Variants in TXNDC16 observed in about 807,000 individuals in gnomAD.
The protein encoded by TXNDC16 is thioredoxin domain-containing protein 16.
A neutral mutation model predicts 85.6 loss-of-function variants in TXNDC16; 74 were observed. The observed-to-expected ratio is 0.86, with a 90% confidence interval of 0.72 to 1.05. The LOEUF is 1.05. Among genes scored for constraint, TXNDC16 ranks in the 50% least tolerant of loss-of-function variants. The probability of loss-of-function intolerance (pLI) is 0.00; values close to 1 mark genes in which losing one functional copy is unlikely to be tolerated. For missense variants in TXNDC16, 959 were observed against 947.0 expected, an observed-to-expected ratio of 1.01 and a Z score of -0.17; for synonymous variants, 335 against 326.5, an observed-to-expected ratio of 1.03 and a Z score of -0.28.
intron 6 of TXNDC16, among the ~76,000 whole-genome samples, chr14:52,530,172 T>TATATATATTTATA (rs2037471310): frequency 1.2e-5 from 1 of 85,714 alleles, no homozygotes; most frequent in Non-Finnish European, 2.0e-5. Context: ...ATATATTATA[T>TATATATATTTATA]TATATATAAA....
intron 9 of TXNDC16, among the ~76,000 whole-genome samples, chr14:52,497,224 T>C (rs2036552911): frequency 6.6e-6 from 1 of 152,142 alleles, no homozygotes; most frequent in African/African-American, 2.4e-5. Context: ...CCAATAAATT[T>C]GATAACTTAG....
chr14:52,446,378 C>G (rs188304915), intron 18 of TXNDC16, among the ~76,000 whole-genome samples: 1 of 152,274 alleles, frequency 6.6e-6, no homozygotes, highest in Admixed American at 6.5e-5. Context: ...GTATTTAAAC[C>G]ATCTCTAGCC....
intron 9 of TXNDC16, among the ~76,000 whole-genome samples, chr14:52,506,294 T>C (rs1018384783): frequency 3.9e-5 from 6 of 152,040 alleles, no homozygotes; most frequent in African/African-American, 1.5e-4. Context: ...TAGACCAGTA[T>C]CCCTGATGAA....
rs573589058 is a variant in TXNDC16 at position 52,547,015 on chromosome 14, AAAG to A, written c.-181-2647_-181-2645del. ...GCTAATGAACTTATTTATAGCTCTA[AAAG>A]AAGAGGCTGGAAGATAGATTAGTAC... On this transcript the variant is annotated intron_variant, in intron 1 of 20. Transcript: ENST00000281741. 1.7e-4 allele frequency among the ~76,000 whole-genome samples: 26 copies of A among 152,362 alleles called. 1 individual carries two copies. The South Asian group carries it at 5.2e-3, about 30-fold the overall frequency.
intron 6 of TXNDC16, among the ~76,000 whole-genome samples, chr14:52,525,899 T>A (rs1004312743): frequency 6.6e-6 from 1 of 151,888 alleles, no homozygotes; most frequent in Non-Finnish European, 1.5e-5. Context: ...CCTACACACA[T>A]CTTCCTGTAT....
Position 52,549,629 on chromosome 14 carries a change from A to ATTTTT in TXNDC16, c.-182+2682_-182+2686dup, listed in dbSNP as rs748701260. Among the ~76,000 whole-genome samples the ATTTTT allele has an allele frequency of 5.3e-3, 704 of 132,964 alleles. 6 individuals carry two copies. Among genetic ancestry groups the ATTTTT allele is most frequent in the South Asian group, 0.012 (50 of 4,160 alleles). 87.2% of individuals were successfully genotyped at this position (132,964 alleles called of 152,430 possible). ...CAATAGTAATTGACAAACAGTTCTG[A>ATTTTT]TTTTTTTTTTTTTTTTTTTGAGACA... On this transcript the variant is annotated intron_variant, in intron 1 of 20. Coordinates refer to ENST00000281741, the MANE Select transcript of TXNDC16 (RefSeq NM_020784.3).
intron 9 of TXNDC16, among the ~76,000 whole-genome samples, chr14:52,502,670 C>T (rs777048364): frequency 5.9e-5 from 9 of 152,194 alleles, no homozygotes; most frequent in Non-Finnish European, 1.2e-4. Flanking sequence ...TGAATGATTT[C>T]TCCATTTCCA....
chr14:52,466,392 C>CAAAA (rs35493549), intron 16 of TXNDC16, among the ~76,000 whole-genome samples: 13 of 56,694 alleles, frequency 2.3e-4, no homozygotes, highest in African/African-American at 4.9e-4. Context: ...GACTCTGTCT[C>CAAAA]AAAAAAAAAA....
rs142038189 is a variant in TXNDC16, at chr14:52,549,562, C to T, written c.-182+2754G>A. Among the ~76,000 whole-genome samples, 337 of 151,756 alleles carry T rather than the reference C, an allele frequency of 2.2e-3. 2 individuals are homozygous for T. The highest frequency in any genetic ancestry group is 7.9e-3 in the African/African-American group (325 of 41,378). On this transcript the variant is annotated intron_variant, in intron 1 of 20. Coordinates refer to ENST00000281741, the MANE Select transcript of TXNDC16 (RefSeq NM_020784.3). ...GGCAGGTAGAACAGCTGGTAGCCCT[C>T]GTTAGCTCCACTAATCCCATTTTGG...
intron 16 of TXNDC16, among the ~76,000 whole-genome samples, chr14:52,460,908 A>T (rs2035638352): frequency 6.6e-6 from 1 of 152,002 alleles, no homozygotes; most frequent in African/African-American, 2.4e-5. Context: ...TGTATTATCA[A>T]TTCTAAAGCT....
chr14:52,532,590 C>T (rs1009734815), intron 6 of TXNDC16, among the ~76,000 whole-genome samples: 4 of 152,036 alleles, frequency 2.6e-5, no homozygotes, highest in Admixed American at 6.6e-5. Context: ...GCGCCCGCCA[C>T]CACGCCCGGC....
intron 16 of TXNDC16, among the ~76,000 whole-genome samples, chr14:52,465,801 T>TA (rs1311726225): frequency 2.0e-5 from 3 of 152,106 alleles, no homozygotes; most frequent in Non-Finnish European, 4.4e-5. Flanking sequence ...GTGTGATATT[T>TA]AAAAAATACT....
chr14:52,551,820 G>A (rs1173169675), intron 1 of TXNDC16, among the ~76,000 whole-genome samples: 1 of 152,038 alleles, frequency 6.6e-6, no homozygotes, highest in Admixed American at 6.5e-5. Context: ...CGATACATGT[G>A]GAATTTAAAC....
At chr14:52,460,725 CTTTA>C (rs2035633079) in intron 16 of TXNDC16, among the ~76,000 whole-genome samples, 1 of 143,920 alleles carries the variant, frequency 6.9e-6, no homozygotes, top group Non-Finnish European at 1.5e-5. Context: ...AAGCAAAGAC[CTTTA>C]TTTGTTGATT....
At chr14:52,485,565 A>G (rs116398531) in intron 12 of TXNDC16, among the ~76,000 whole-genome samples, 1,829 of 152,280 alleles carry the variant, frequency 0.012, 36 homozygotes, top group African/African-American at 0.041. Context: ...AGCTCCATAC[A>G]TGGTATGTAC....
At chr14:52,519,958 C>T (rs1253471628) in intron 6 of TXNDC16, among the ~76,000 whole-genome samples, 1 of 152,146 alleles carries the variant, frequency 6.6e-6, no homozygotes, top group Non-Finnish European at 1.5e-5. Context: ...ATTTACTTAT[C>T]TCCACCTTTC....
intron 6 of TXNDC16, among the ~76,000 whole-genome samples, chr14:52,521,585 T>A (rs904793684): frequency 6.6e-6 from 1 of 152,182 alleles, no homozygotes; most frequent in Non-Finnish European, 1.5e-5. Context: ...AATGCCTTAG[T>A]ATTACTATAA....
At chr14:52,482,355 T>A in intron 13 of TXNDC16, 66 bp from the exon 14 acceptor site, 1 of 1,321,904 alleles carries the variant, frequency 7.6e-7, no homozygotes, top group Non-Finnish European at 1.1e-6. Flanking sequence ...CACTGATATG[T>A]AACAAATATA....
chr14:52,520,866 T>C (rs1014529369), intron 6 of TXNDC16, among the ~76,000 whole-genome samples: 4 of 152,260 alleles, frequency 2.6e-5, no homozygotes, highest in African/African-American at 7.2e-5. Flanking sequence ...TTTTTCCTAA[T>C]ACAGCAGTTC....
Sources: gnomAD v4.1 joint callset for allele counts (sites outside exome capture counted in the v4.1 genomes callset) on GRCh38, gnomAD v4.1.1 for gene constraint, MANE v1.5 for transcripts, NCBI Gene and HGNC (gene_info 2026-07-23, HGNC 2026-07-21) for gene names.